GLRA1: variants seen among roughly 807,000 people sequenced by gnomAD.
GLRA1 encodes the protein glycine receptor alpha 1.
In GLRA1, 37 loss-of-function variants were observed where a neutral mutation model predicts 48.3. That is an observed-to-expected ratio of 0.77 (90% CI 0.59 to 1.01). GLRA1 has a LOEUF of 1.01. Ranked by LOEUF, GLRA1 falls within the 50% of genes least tolerant of loss-of-function variation. The pLI, the probability that GLRA1 is intolerant of heterozygous loss-of-function variation, is 0.00. For synonymous variants in GLRA1, 196 were observed against 210.7 expected, an observed-to-expected ratio of 0.93 and a Z score of 0.60; for missense variants, 427 against 571.0, an observed-to-expected ratio of 0.75 and a Z score of 2.57.
At chr5:151,873,988 A>T (rs542594653) in intron 3 of GLRA1, among the ~76,000 whole-genome samples, 80 of 152,314 alleles carry the variant, frequency 5.3e-4, no homozygotes, top group Admixed American at 1.1e-3. Flanking sequence ...ATGGAAATCA[A>T]GTGCTGGATG....
chr5:151,854,362 G>A (rs946842587), intron 6 of GLRA1, among the ~76,000 whole-genome samples: 1 of 152,186 alleles, frequency 6.6e-6, no homozygotes, highest in African/African-American at 2.4e-5. Flanking sequence ...GGCTTGCCAT[G>A]CCTCTCTACT....
intron 8 of GLRA1, among the ~76,000 whole-genome samples, chr5:151,824,728 T>TA (rs1763228291): frequency 6.6e-6 from 1 of 152,158 alleles, no homozygotes; most frequent in Non-Finnish European, 1.5e-5. Flanking sequence ...GCTCTCTGTA[T>TA]ATATCTCCGT....
chr5:151,832,607 A>C (rs1296461245), intron 7 of GLRA1, among the ~76,000 whole-genome samples: 1 of 152,226 alleles, frequency 6.6e-6, no homozygotes, highest in African/African-American at 2.4e-5. Context: ...AGAAAAAAGA[A>C]TGAAAAGGAA....
chr5:151,898,402 A>G (rs1291364756), intron 1 of GLRA1, among the ~76,000 whole-genome samples: 1 of 152,194 alleles, frequency 6.6e-6, no homozygotes, highest in Non-Finnish European at 1.5e-5. Context: ...CTCCAGTTGC[A>G]ACATCAATTG....
chr5:151,860,946 A>G (rs1230139792), intron 3 of GLRA1, among the ~76,000 whole-genome samples: 2 of 152,162 alleles, frequency 1.3e-5, no homozygotes, highest in Non-Finnish European at 2.9e-5. Flanking sequence ...CTCATTGTTC[A>G]GTTCCCACCT....
At chr5:151,863,393 A>G (rs1753253231) in intron 3 of GLRA1, among the ~76,000 whole-genome samples, 1 of 152,184 alleles carries the variant, frequency 6.6e-6, no homozygotes, top group Non-Finnish European at 1.5e-5. Context: ...ACTGCACTCC[A>G]GCCTGGGTGA....
Position 151,828,044 on chromosome 5 carries a change from C to T in GLRA1, c.1059+877G>A, listed in dbSNP as rs569818026. On this transcript the variant is annotated intron_variant, in intron 8 of 8. Coordinates refer to ENST00000274576, the MANE Select transcript of GLRA1 (RefSeq NM_000171.4). Reference sequence around the variant, plus strand: ...ACGGTCTCTGCCTTTATGGAGCTTGCGATTTGGTGGAAGAGATCGGCTTTA... The same window carrying T: ...ACGGTCTCTGCCTTTATGGAGCTTGTGATTTGGTGGAAGAGATCGGCTTTA... 9.2e-5 allele frequency among the ~76,000 whole-genome samples: 14 copies of T among 152,064 alleles called. No homozygotes were observed. In the East Asian group the frequency reaches 1.4e-3, roughly 15 times the overall value.
intron 1 of GLRA1, among the ~76,000 whole-genome samples, chr5:151,896,542 C>T (rs1450329700): frequency 6.6e-6 from 1 of 152,210 alleles, no homozygotes; most frequent in African/African-American, 2.4e-5. Flanking sequence ...ATTTACCACA[C>T]TTAAAAATGA....
chr5:151,871,000 C>G (rs1204920560), intron 3 of GLRA1, among the ~76,000 whole-genome samples: 2 of 149,598 alleles, frequency 1.3e-5, no homozygotes, highest in Non-Finnish European at 2.9e-5. Context: ...GGAATTTGAT[C>G]TGATGAAGAG....
intron 4 of GLRA1, among the ~76,000 whole-genome samples, chr5:151,858,158 C>G (rs1753097464): frequency 6.6e-6 from 1 of 152,194 alleles, no homozygotes; most frequent in African/African-American, 2.4e-5. Context: ...CCTTTGTGAA[C>G]TTCCTTCCTC....
At chr5:151,852,563 G>A (rs545962333) in intron 6 of GLRA1, among the ~76,000 whole-genome samples, 1 of 152,354 alleles carries the variant, frequency 6.6e-6, no homozygotes, top group South Asian at 2.1e-4. Context: ...CCTGTCTACT[G>A]AAGCACAATA....
intron 6 of GLRA1, among the ~76,000 whole-genome samples, chr5:151,853,357 TG>T (rs1476105981): frequency 1.3e-5 from 2 of 152,056 alleles, no homozygotes; most frequent in African/African-American, 4.8e-5. Flanking sequence ...AGGGATCTCC[TG>T]TCTCAGTCTC....
At chr5:151,846,201 C>G (rs1235864824) in intron 7 of GLRA1, among the ~76,000 whole-genome samples, 1 of 152,068 alleles carries the variant, frequency 6.6e-6, no homozygotes, top group Non-Finnish European at 1.5e-5. Flanking sequence ...GGAACTAAAT[C>G]TAATGCTTAA....
chr5:151,831,117 C>T (rs183345638), intron 7 of GLRA1, among the ~76,000 whole-genome samples: 18 of 152,328 alleles, frequency 1.2e-4, no homozygotes, highest in African/African-American at 4.3e-4. Flanking sequence ...CACTCCGGCC[C>T]CAGATACTAC....
intron 1 of GLRA1, among the ~76,000 whole-genome samples, chr5:151,908,021 A>ATGAGGAAAAGGAGGAAGAGG (rs771466082): frequency 1.0e-3 from 153 of 152,322 alleles, no homozygotes; most frequent in Admixed American, 1.8e-3. Context: ...GAAGATGTGG[A>ATGAGGAAAAGGAGGAAGAGG]TGAGGAAAAG....
At chr5:151,904,583 A>C (rs1484204855) in intron 1 of GLRA1, among the ~76,000 whole-genome samples, 1 of 152,186 alleles carries the variant, frequency 6.6e-6, no homozygotes, top group East Asian at 1.9e-4. Context: ...TTTTTGGCTG[A>C]AAAAGGGCAT....
intron 8 of GLRA1, among the ~76,000 whole-genome samples, chr5:151,825,635 G>A (rs1160905187): frequency 6.6e-6 from 1 of 152,208 alleles, no homozygotes; most frequent in Non-Finnish European, 1.5e-5. Flanking sequence ...CTGGAGCTCA[G>A]GGAAGTTGCT....
At chr5:151,884,459 A>C (rs893997063) in intron 3 of GLRA1, among the ~76,000 whole-genome samples, 1 of 152,122 alleles carries the variant, frequency 6.6e-6, no homozygotes, top group Non-Finnish European at 1.5e-5. Context: ...AAAAAAACCC[A>C]TTTTTTCTCT....
chr5:151,826,494 C>G (rs1477783302), intron 8 of GLRA1, among the ~76,000 whole-genome samples: 2 of 152,128 alleles, frequency 1.3e-5, no homozygotes, highest in African/African-American at 4.8e-5. Flanking sequence ...AGAAGAACCT[C>G]GGGTTTTTTA....
Sources: allele counts gnomAD v4.1 joint callset (sites outside exome capture counted in the v4.1 genomes callset), GRCh38; gene constraint gnomAD v4.1.1; transcripts MANE v1.5; gene names NCBI Gene and HGNC (gene_info 2026-07-23, HGNC 2026-07-21).